WWOX: variants seen among roughly 807,000 people sequenced by gnomAD.
The protein encoded by WWOX is WW domain-containing oxidoreductase.
Under a neutral mutation model 46.2 loss-of-function variants are expected in WWOX, and 69 were observed. That is an observed-to-expected ratio of 1.49 (90% CI 1.23 to 1.82). The LOEUF (loss-of-function observed/expected upper bound fraction) is 1.82. Ranked by LOEUF, WWOX falls within the 40% of genes most tolerant of loss-of-function variation. WWOX has a pLI of 0.00. For missense variants in WWOX, 919 were observed against 542.6 expected, an observed-to-expected ratio of 1.69 and a Z score of -6.89; for synonymous variants, 359 against 202.6, an observed-to-expected ratio of 1.77 and a Z score of -6.56.
At chr16:78,175,592 TG>T (rs1173787975) in intron 5 of WWOX, among the ~76,000 whole-genome samples, 3 of 152,112 alleles carry the variant, frequency 2.0e-5, no homozygotes, top group Non-Finnish European at 4.4e-5. Context: ...AACAAGGAAT[TG>T]AGGCCACCAG....
chr16:78,801,719 C>T (rs1403836942), intron 8 of WWOX, among the ~76,000 whole-genome samples: 2 of 152,114 alleles, frequency 1.3e-5, no homozygotes, highest in Non-Finnish European at 2.9e-5. Flanking sequence ...CAGGTGCACC[C>T]CCATCCTGCC....
intron 8 of WWOX, among the ~76,000 whole-genome samples, chr16:78,741,671 A>C (rs985986317): frequency 2.4e-4 from 36 of 152,114 alleles, no homozygotes; most frequent in African/African-American, 8.2e-4. Context: ...GCTGGCCAAC[A>C]TGGCAAAACC....
At chr16:79,137,916 C>T (rs1305085724) in intron 8 of WWOX, among the ~76,000 whole-genome samples, 2 of 151,182 alleles carry the variant, frequency 1.3e-5, no homozygotes, top group Non-Finnish European at 1.5e-5. Flanking sequence ...AGTACAACAT[C>T]AGAGGAAGAA....
intron 8 of WWOX, among the ~76,000 whole-genome samples, chr16:79,087,936 G>A (rs1260384073): frequency 6.6e-6 from 1 of 152,106 alleles, no homozygotes. Context: ...TTGGCAGGAG[G>A]CATTCATGGG....
chr16:78,744,613 G>C (rs1350145232), intron 8 of WWOX, among the ~76,000 whole-genome samples: 1 of 151,708 alleles, frequency 6.6e-6, no homozygotes, highest in East Asian at 1.9e-4. Context: ...TGTATTTTTA[G>C]TAGAGATGAG....
chr16:79,040,558 C>G (rs889742), intron 8 of WWOX, among the ~76,000 whole-genome samples: 64,570 of 151,988 alleles, frequency 0.42, 14,429 homozygotes, highest in East Asian at 0.64. Context: ...TTACAGGTAT[C>G]AGCCACTGGG....
rs374060577 is a variant in WWOX, at chr16:78,272,178, CT to C, written c.516+107891del. ...GCTCAGTGGAGTGACTCTTCTGCCC[CT>C]TGTGGTGTTGACTGGGGTCAGTCAG... On this transcript the variant is annotated intron_variant, in intron 5 of 8. Transcript: ENST00000566780. 8.1e-4 allele frequency among the ~76,000 whole-genome samples: 123 copies of C among 152,254 alleles called. 1 individual carries two copies. The highest frequency in any genetic ancestry group is 1.5e-3 in the Non-Finnish European group (101 of 68,026).
intron 8 of WWOX, among the ~76,000 whole-genome samples, chr16:78,557,199 C>T (rs1418164700): frequency 1.3e-5 from 2 of 151,546 alleles, no homozygotes; most frequent in Non-Finnish European, 2.9e-5. Context: ...CCCAAGCTTG[C>T]TAACACAGGG....
chr16:78,853,868 ACTGT>A (rs146073756), intron 8 of WWOX, among the ~76,000 whole-genome samples: 79 of 152,286 alleles, frequency 5.2e-4, no homozygotes, highest in Middle Eastern at 3.4e-3. Context: ...ATGGATGCTG[ACTGT>A]CTGTCTGTCA....
At chr16:79,187,978 C>A (rs191595486) in intron 8 of WWOX, among the ~76,000 whole-genome samples, 1 of 152,334 alleles carries the variant, frequency 6.6e-6, no homozygotes, top group African/African-American at 2.4e-5. Flanking sequence ...GAAATGTCCA[C>A]TCTCTCTCCC....
intron 8 of WWOX, among the ~76,000 whole-genome samples, chr16:78,906,454 C>G (rs753279074): frequency 2.0e-5 from 3 of 152,152 alleles, no homozygotes; most frequent in Non-Finnish European, 2.9e-5. Context: ...TCCCAGGAGC[C>G]CTGTCATCAG....
intron 8 of WWOX, among the ~76,000 whole-genome samples, chr16:79,095,349 A>G (rs2049046784): frequency 6.6e-6 from 1 of 152,136 alleles, no homozygotes. Flanking sequence ...TACCTCATTA[A>G]TCCTCATAAT....
intron 8 of WWOX, among the ~76,000 whole-genome samples, chr16:78,674,671 C>G (rs915254158): frequency 6.6e-6 from 1 of 152,118 alleles, no homozygotes; most frequent in Non-Finnish European, 1.5e-5. Context: ...TGCCCCATAA[C>G]CTAACCTGTT....
rs373757101 is a variant in WWOX, at chr16:78,618,420, A to G, written c.1056+185668A>G. 2.0e-5 allele frequency among the ~76,000 whole-genome samples: 3 copies of G among 152,230 alleles called. No individual in the cohort carries two copies. In the East Asian group the frequency reaches 5.8e-4, roughly 30 times the overall value. Reference sequence around the variant, plus strand: ...CTGTACCATTGTCCCTGGCTTGGAGATGACCATCTTCTCTGTCTTCACATG... The same window carrying G: ...CTGTACCATTGTCCCTGGCTTGGAGGTGACCATCTTCTCTGTCTTCACATG... On this transcript the variant is annotated intron_variant, in intron 8 of 8. Transcript: ENST00000566780.
intron 8 of WWOX, among the ~76,000 whole-genome samples, chr16:78,442,151 A>T (rs1228660146): frequency 6.6e-6 from 1 of 151,996 alleles, no homozygotes; most frequent in East Asian, 1.9e-4. Context: ...GGAAAAAAAA[A>T]ATTATATGTA....
intron 8 of WWOX, among the ~76,000 whole-genome samples, chr16:78,505,794 C>G (rs1438126890): frequency 2.0e-5 from 3 of 151,154 alleles, no homozygotes; most frequent in Non-Finnish European, 4.4e-5. Flanking sequence ...AGCTGGCCCA[C>G]ATACTACACT....
rs139995797 is a variant in WWOX, at chr16:78,280,535, G to C, written c.517-106325G>C. ...AGAGGTTTAATTGGCTCACAGTTTTGTAAGTGGTACAGGAAGCATAGCGGC... is the reference window on the plus strand; with the variant it reads ...AGAGGTTTAATTGGCTCACAGTTTTCTAAGTGGTACAGGAAGCATAGCGGC... On this transcript the variant is annotated intron_variant, in intron 5 of 8. Coordinates refer to ENST00000566780, the MANE Select transcript of WWOX (RefSeq NM_016373.4). Among the ~76,000 whole-genome samples the C allele has an allele frequency of 3.2e-3, 489 of 152,142 alleles. 1 individual carries two copies. Among genetic ancestry groups the C allele is most frequent in the African/African-American group, 0.011 (457 of 41,520 alleles).
chr16:78,921,251 G>A (rs747520064), intron 8 of WWOX, among the ~76,000 whole-genome samples: 1 of 152,134 alleles, frequency 6.6e-6, no homozygotes, highest in Non-Finnish European at 1.5e-5. Context: ...ACCGCACTGT[G>A]CCAGAATAGA....
chr16:78,443,423 T>G (rs2083489838), intron 8 of WWOX, among the ~76,000 whole-genome samples: 1 of 152,152 alleles, frequency 6.6e-6, no homozygotes, highest in Non-Finnish European at 1.5e-5. Flanking sequence ...AGCCCTCCAG[T>G]TGCCTGTTTT....
Sources: allele counts gnomAD v4.1 joint callset (sites outside exome capture counted in the v4.1 genomes callset), GRCh38; gene constraint gnomAD v4.1.1; transcripts MANE v1.5; gene names NCBI Gene and HGNC (gene_info 2026-07-23, HGNC 2026-07-21).